The following RNF115 variants were observed in gnomAD, a reference collection of about 807,000 sequenced individuals.
RNF115 encodes the protein ring finger protein 115, also known as E3 ubiquitin-protein ligase RNF115.
In RNF115, 31 loss-of-function variants were observed where a neutral mutation model predicts 39.2. The ratio of observed to expected loss-of-function variants is 0.79; its 90% CI spans 0.59 to 1.07. The LOEUF is 1.07. Ranked by LOEUF, RNF115 falls within the 50% of genes least tolerant of loss-of-function variation. RNF115 has a pLI of 0.00. For synonymous variants in RNF115, 124 were observed against 131.0 expected (o/e 0.95, Z 0.37); for missense variants, 384 against 381.7 (o/e 1.01, Z -0.05).
At chr1:145,810,873 A>AT (rs1553722418) in intron 1 of RNF115, among the ~76,000 whole-genome samples, 18 of 145,842 alleles carry the variant, frequency 1.2e-4, no homozygotes, top group Non-Finnish European at 2.2e-4. Context: ...TTATTTATTT[A>AT]TTTTTTTTTT....
intron 1 of RNF115, among the ~76,000 whole-genome samples, chr1:145,799,200 T>TG (rs1649116378): frequency 6.6e-6 from 1 of 152,002 alleles, no homozygotes; most frequent in Admixed American, 6.6e-5. Flanking sequence ...CCCGAGTAGC[T>TG]GGGACTACAA....
At chr1:145,798,071 A>C (rs903216518) in intron 1 of RNF115, among the ~76,000 whole-genome samples, 82 of 152,308 alleles carry the variant, frequency 5.4e-4, no homozygotes, top group Non-Finnish European at 1.9e-4. Flanking sequence ...ACAATTTACA[A>C]ACATTTTCTC....
rs1181127648 is a variant in RNF115 at position 145,743,669 on chromosome 1, T to C, written c.*3197A>G. 1 of 152,034 alleles carries C rather than the reference T, an allele frequency of 6.6e-6. No homozygotes were observed. The highest frequency in any genetic ancestry group is 6.6e-5 in the Admixed American group (1 of 15,256). The allele number at this position is 152,034 out of a possible 1,614,324, so 9.4% of individuals were successfully genotyped here. A position where few individuals can be genotyped will look rare whatever the true frequency, so the allele number is the denominator to read the frequency against. ...GGTGGCAGGTGCCTGTAATCCCAGC[T>C]GCTTGGGAGGCTAAGGCAGAAGAAT... On this transcript the variant is annotated 3_prime_UTR_variant, in exon 9 of 9. Transcript: ENST00000582693.
chr1:145,748,069 C>T lies in RNF115; in HGVS notation c.709G>A (p.Val237Ile), dbSNP rs782689465. The part of the protein sequence containing the change: ...ECPVCKEDYT[V>I]EEEVRQLPCN... ...GGTAACTGCCGGACTTCCTCTTCAA[C>T]TGTGTAATCTTCTTTGCATACTGGA... Residue 237 changes from valine (V) to isoleucine (I), a missense_variant, in exon 8 of 9, where the codon GTT (valine) becomes ATT (isoleucine). Val to Ile is a conservative substitution (Grantham distance 29). Transcript: ENST00000582693. 1.3e-5 allele frequency: 21 copies of T among 1,613,748 alleles called. No individual in the cohort carries two copies. Among genetic ancestry groups the T allele is most frequent in the Non-Finnish European group, 1.7e-5 (20 of 1,179,684 alleles).
At position 145,740,210 on chromosome 1, in the gene RNF115, G is replaced by A. The variant is rs983581956; in HGVS notation, c.*6656C>T. Reference sequence around the variant, plus strand: ...TATACAATCACTGGAAGTCTCAGAAGATATATCCAACTATAGGAAAAGTTT... The same window carrying A: ...TATACAATCACTGGAAGTCTCAGAAAATATATCCAACTATAGGAAAAGTTT... On this transcript the variant is annotated 3_prime_UTR_variant, in exon 9 of 9. Transcript: ENST00000582693. 5 of 152,198 alleles carry A rather than the reference G, an allele frequency of 3.3e-5. No individual in the cohort carries two copies. Among genetic ancestry groups the A allele is most frequent in the African/African-American group, 1.2e-4 (5 of 41,442 alleles). The allele number at this position is 152,198 out of a possible 1,614,324, so 9.4% of individuals were successfully genotyped here.
chr1:145,776,628 G>C (rs1414406456), intron 3 of RNF115, among the ~76,000 whole-genome samples: 1 of 151,842 alleles, frequency 6.6e-6, no homozygotes, highest in East Asian at 2.0e-4. Context: ...CACCTGAGGT[G>C]AGGAGTTCAA....
At chr1:145,794,486 G>A (rs1648841774) in intron 1 of RNF115, among the ~76,000 whole-genome samples, 2 of 148,584 alleles carry the variant, frequency 1.3e-5, no homozygotes, top group South Asian at 4.3e-4. Flanking sequence ...CATGGCAAGG[G>A]GCATCTAATC....
rs1369056260 is a variant in RNF115, at chr1:145,744,547, T to C, written c.*2319A>G. Reference sequence around the variant, plus strand: ...TTCAGCAGGCCACTCTCTCACTTTTTCTGTTCCCTCTCTGACTCCTTCATC... The same window carrying C: ...TTCAGCAGGCCACTCTCTCACTTTTCCTGTTCCCTCTCTGACTCCTTCATC... On this transcript the variant is annotated 3_prime_UTR_variant, in exon 9 of 9. Coordinates refer to ENST00000582693, the MANE Select transcript of RNF115 (RefSeq NM_014455.4). The C allele has an allele frequency of 2.6e-5, 4 of 152,244 alleles. No individual in the cohort carries two copies. The highest frequency in any genetic ancestry group is 5.9e-5 in the Non-Finnish European group (4 of 68,042). The allele number at this position is 152,244 out of a possible 1,614,324, so 9.4% of individuals were successfully genotyped here.
At chr1:145,751,570 C>A in intron 5 of RNF115, 60 bp from the exon 6 acceptor site, 2 of 1,279,660 alleles carry the variant, frequency 1.6e-6, no homozygotes, top group Admixed American at 2.2e-5. Flanking sequence ...CCTTACACCA[C>A]AGAAAAAAAT....
chr1:145,806,205 G>A (rs1427837707), intron 1 of RNF115, among the ~76,000 whole-genome samples: 1 of 152,026 alleles, frequency 6.6e-6, no homozygotes, highest in African/African-American at 2.4e-5. Context: ...AAAATTAGCT[G>A]GGCATTGTGG....
At chr1:145,747,316 A>G (rs77417901) in intron 8 of RNF115, among the ~76,000 whole-genome samples, 4,484 of 152,262 alleles carry the variant, frequency 0.029, 102 homozygotes, top group Non-Finnish European at 0.047. Context: ...TTACTTCCCA[A>G]TATGGTCTAG....
intron 7 of RNF115, among the ~76,000 whole-genome samples, chr1:145,748,733 A>C (rs1657968552): frequency 6.6e-6 from 1 of 152,068 alleles, no homozygotes; most frequent in Admixed American, 6.6e-5. Context: ...AAAAATACAA[A>C]GATTAGCTGG....
At chr1:145,778,900 T>A (rs920481516) in intron 3 of RNF115, among the ~76,000 whole-genome samples, 4 of 152,228 alleles carry the variant, frequency 2.6e-5, no homozygotes, top group African/African-American at 9.6e-5. Flanking sequence ...TCTGATTATG[T>A]GTGCCTGCTT....
At chr1:145,795,069 G>T (rs1171694507) in intron 1 of RNF115, among the ~76,000 whole-genome samples, 1 of 150,164 alleles carries the variant, frequency 6.7e-6, no homozygotes, top group East Asian at 2.0e-4. Flanking sequence ...TCCTTCAGAT[G>T]TTCAGATGTG....
intron 3 of RNF115, 87 bp from the exon 4 acceptor site, chr1:145,772,006 C>T: frequency 2.8e-6 from 3 of 1,079,960 alleles, no homozygotes; most frequent in Admixed American, 2.2e-5. Context: ...TTACAAATGG[C>T]CACTGTGAAT....
At chr1:145,797,815 T>A (rs587604490) in intron 1 of RNF115, among the ~76,000 whole-genome samples, 1 of 151,436 alleles carries the variant, frequency 6.6e-6, no homozygotes. Context: ...CGTAATTCCC[T>A]GTTTGTTTTT....
intron 4 of RNF115, among the ~76,000 whole-genome samples, chr1:145,765,112 G>C (rs1375775764): frequency 5.3e-5 from 8 of 152,184 alleles, no homozygotes; most frequent in Admixed American, 1.3e-4. Context: ...GTTGATCTAT[G>C]ACCTTACCCC....
intron 3 of RNF115, among the ~76,000 whole-genome samples, chr1:145,783,404 C>G (rs1161439468): frequency 6.6e-6 from 1 of 152,106 alleles, no homozygotes; most frequent in Non-Finnish European, 1.5e-5. Flanking sequence ...GTGGGGGCTA[C>G]AGGTCTTAAA....
intron 4 of RNF115, among the ~76,000 whole-genome samples, chr1:145,753,555 C>T (rs1658175998): frequency 6.6e-6 from 1 of 152,180 alleles, no homozygotes; most frequent in African/African-American, 2.4e-5. Context: ...TAAACACACA[C>T]ATGCTTAGCA....
Sources: gnomAD v4.1 joint callset for allele counts (sites outside exome capture counted in the v4.1 genomes callset) on GRCh38, gnomAD v4.1.1 for gene constraint, MANE v1.5 for transcripts, NCBI Gene and HGNC (gene_info 2026-07-23, HGNC 2026-07-21) for gene names.